Variants in SPOPL observed in about 807,000 individuals in gnomAD.
SPOPL encodes speckle type BTB/POZ protein like, also known as speckle-type POZ protein-like.
In SPOPL, 23 loss-of-function variants were observed where a neutral mutation model predicts 53.8. The observed-to-expected ratio is 0.43, with a 90% CI of 0.31 to 0.61. The LOEUF is 0.61. SPOPL is among the 20% of genes least tolerant of loss of function. The probability of loss-of-function intolerance (pLI) is 0.12; values close to 1 mark genes in which losing one functional copy is unlikely to be tolerated. For missense variants in SPOPL, 442 were observed against 466.9 expected, an observed-to-expected ratio of 0.95 and a Z score of 0.49; for synonymous variants, 164 against 149.7, an observed-to-expected ratio of 1.10 and a Z score of -0.70.
At chr2:138,539,303 A>T (rs1457765171) in intron 1 of SPOPL, among the ~76,000 whole-genome samples, 1 of 152,054 alleles carries the variant, frequency 6.6e-6, no homozygotes, top group South Asian at 2.1e-4. Flanking sequence ...TTTCTAGTTC[A>T]AGATCCCTAA....
intron 5 of SPOPL, among the ~76,000 whole-genome samples, chr2:138,555,547 T>C (rs1281725442): frequency 1.3e-5 from 2 of 152,190 alleles, no homozygotes; most frequent in African/African-American, 4.8e-5. Flanking sequence ...AATTCGACTG[T>C]TAAAAGTTTC....
chr2:138,553,490 A>G (rs1685357574), intron 5 of SPOPL, among the ~76,000 whole-genome samples: 1 of 152,134 alleles, frequency 6.6e-6, no homozygotes, highest in African/African-American at 2.4e-5. Flanking sequence ...AGTTGAAAAG[A>G]TTTTTATCAT....
rs1333885021 is a variant in SPOPL, at chr2:138,571,452, A to G, written c.*2372A>G. On this transcript the variant is annotated 3_prime_UTR_variant, in exon 11 of 11. Transcript: ENST00000280098. ...CAAAAATGTCAAACACTGTGCTGTA[A>G]GAATATCCATGTTTGTAGAAATGTC... 2 of 152,558 alleles carry G rather than the reference A, an allele frequency of 1.3e-5. No individual in the cohort carries two copies. Among genetic ancestry groups the G allele is most frequent in the Non-Finnish European group, 2.9e-5 (2 of 68,006 alleles). 9.5% of individuals were successfully genotyped at this position (152,558 alleles called of 1,614,324 possible). A position where few individuals can be genotyped will look rare whatever the true frequency, so the allele number is the denominator to read the frequency against.
chr2:138,557,575 C>T (rs542008050), intron 5 of SPOPL, among the ~76,000 whole-genome samples: 1 of 152,032 alleles, frequency 6.6e-6, no homozygotes, highest in Non-Finnish European at 1.5e-5. Context: ...GCATAGTTTA[C>T]TGTATATATG....
intron 1 of SPOPL, among the ~76,000 whole-genome samples, chr2:138,529,138 G>A (rs1003309515): frequency 1.3e-5 from 2 of 152,042 alleles, no homozygotes; most frequent in African/African-American, 4.8e-5. Context: ...GTAATATTTG[G>A]GGAGAAAAAT....
rs1008004579 is a variant in SPOPL, at chr2:138,533,935, G to A, written c.-60-16222G>A. On this transcript the variant is annotated intron_variant, in intron 1 of 10. Transcript: ENST00000280098. Reference sequence around the variant, plus strand: ...CTGATTGCAGATGACAATGAAAGACGTAGCTCATAAACATCAGTCTCATTT... The same window carrying A: ...CTGATTGCAGATGACAATGAAAGACATAGCTCATAAACATCAGTCTCATTT... 4.6e-5 allele frequency among the ~76,000 whole-genome samples: 7 copies of A among 152,094 alleles called. No individual in the cohort carries two copies. In the South Asian group the frequency reaches 6.2e-4, roughly 13 times the overall value.
chr2:138,502,322 G>T (rs2104848590), intron 1 of SPOPL, among the ~76,000 whole-genome samples: 1 of 152,330 alleles, frequency 6.6e-6, no homozygotes, highest in South Asian at 2.1e-4. Flanking sequence ...CTTCCCTCGC[G>T]CGGCGGCACC....
At chr2:138,514,202 G>T (rs1684390825) in intron 1 of SPOPL, among the ~76,000 whole-genome samples, 1 of 152,166 alleles carries the variant, frequency 6.6e-6, no homozygotes, top group African/African-American at 2.4e-5. Flanking sequence ...ATGTACCCAA[G>T]GCGGTCAGAG....
intron 1 of SPOPL, among the ~76,000 whole-genome samples, chr2:138,523,844 A>C (rs952630817): frequency 3.8e-4 from 58 of 152,076 alleles, no homozygotes; most frequent in African/African-American, 1.4e-3. Flanking sequence ...CTCCCTCCTG[A>C]CTGCTTTCAC....
At position 138,569,343 on chromosome 2, in the gene SPOPL, T is replaced by C. The variant is rs190410018; in HGVS notation, c.*263T>C. 277 of 342,084 alleles carry C rather than the reference T, an allele frequency of 8.1e-4. 4 individuals are homozygous for C. The South Asian group carries it at 0.017, about 21-fold the overall frequency. The allele number at this position is 342,084 out of a possible 1,614,324, so 21.2% of individuals were successfully genotyped here. ...ATATAATACTTTAATTTTTTTTTAT[T>C]GTGCCTTGTCATTTTGACCAAGGCT... is the stretch of plus-strand genomic sequence containing the variant. On this transcript the variant is annotated 3_prime_UTR_variant, in exon 11 of 11. Transcript: ENST00000280098.
chr2:138,522,609 C>T (rs879833810), intron 1 of SPOPL, among the ~76,000 whole-genome samples: 5 of 152,092 alleles, frequency 3.3e-5, no homozygotes, highest in Non-Finnish European at 5.9e-5. Flanking sequence ...CTGTCCTTAG[C>T]CAATTTTTTT....
intron 1 of SPOPL, among the ~76,000 whole-genome samples, chr2:138,523,971 A>G (rs117013928): frequency 0.014 from 2,133 of 152,114 alleles, 126 homozygotes; most frequent in Admixed American, 0.096. Flanking sequence ...CTGAGAGGTG[A>G]CCCAGTAGGA....
At position 138,572,100 on chromosome 2, in the gene SPOPL, G is replaced by A. The variant is rs551637656; in HGVS notation, c.*3020G>A. 1 of 152,426 alleles carries A rather than the reference G, an allele frequency of 6.6e-6. No homozygotes were observed. The highest frequency in any genetic ancestry group is 2.1e-4 in the South Asian group (1 of 4,818). The allele number at this position is 152,426 out of a possible 1,614,324, so 9.4% of individuals were successfully genotyped here. On this transcript the variant is annotated 3_prime_UTR_variant, in exon 11 of 11. Coordinates refer to ENST00000280098, the MANE Select transcript of SPOPL (RefSeq NM_001001664.3). ...GTATGTTACAAAGAGTGAATTTCTG[G>A]AAATAGAAATCAGTTAAATGTTGAA...
chr2:138,517,744 A>G (rs1251643940), intron 1 of SPOPL, among the ~76,000 whole-genome samples: 1 of 151,444 alleles, frequency 6.6e-6, no homozygotes, highest in Non-Finnish European at 1.5e-5. Flanking sequence ...GTCTCAAAAA[A>G]AAAAAAAAAA....
chr2:138,529,175 A>C (rs1227958006), intron 1 of SPOPL, among the ~76,000 whole-genome samples: 1 of 152,170 alleles, frequency 6.6e-6, no homozygotes, highest in Admixed American at 6.5e-5. Flanking sequence ...TTGGTGAAGA[A>C]GTTTGTTAGT....
intron 1 of SPOPL, among the ~76,000 whole-genome samples, chr2:138,532,564 C>G (rs1573884376): frequency 6.7e-6 from 1 of 148,164 alleles, no homozygotes; most frequent in South Asian, 2.2e-4. Context: ...GTAGCTGGGA[C>G]TACAGGCGCC....
In SPOPL at chr2:138,559,488, G is replaced by C; in HGVS notation, c.714+151G>C. 6 of 734,604 alleles carry C rather than the reference G, an allele frequency of 8.2e-6. 1 individual carries two copies. The Middle Eastern group carries it at 1.1e-3, about 134-fold the overall frequency. The allele number at this position is 734,604 out of a possible 1,614,324, so 45.5% of individuals were successfully genotyped here. A position where few individuals can be genotyped will look rare whatever the true frequency, so the allele number is the denominator to read the frequency against. Reference sequence around the variant, plus strand: ...CAGGAAAAAAATGTGTTCTATAATAGAACAATAGATGTAGCTCAGTGTGGA... The same window carrying C: ...CAGGAAAAAAATGTGTTCTATAATACAACAATAGATGTAGCTCAGTGTGGA... On this transcript the variant is annotated intron_variant, in intron 7 of 10. Coordinates refer to ENST00000280098, the MANE Select transcript of SPOPL (RefSeq NM_001001664.3).
intron 1 of SPOPL, among the ~76,000 whole-genome samples, chr2:138,545,254 T>G (rs1369055330): frequency 6.6e-6 from 1 of 152,062 alleles, no homozygotes; most frequent in African/African-American, 2.4e-5. Context: ...ATACCAGGAA[T>G]GAAGGCAAGT....
chr2:138,527,705 T>C (rs1257506396), intron 1 of SPOPL, among the ~76,000 whole-genome samples: 1 of 152,224 alleles, frequency 6.6e-6, no homozygotes, highest in Non-Finnish European at 1.5e-5. Context: ...TATCTATTAG[T>C]TTTCCCCAAA....
Sources: gnomAD v4.1 joint callset for allele counts (sites outside exome capture counted in the v4.1 genomes callset) on GRCh38, gnomAD v4.1.1 for gene constraint, MANE v1.5 for transcripts, NCBI Gene and HGNC (gene_info 2026-07-23, HGNC 2026-07-21) for gene names.